The following UGT1A10 variants were observed in gnomAD, a reference collection of about 807,000 sequenced individuals.
UGT1A10 encodes UDP glucuronosyltransferase family 1 member A10.
A neutral mutation model predicts 45.8 loss-of-function variants in UGT1A10; 49 were observed. That is an observed-to-expected ratio of 1.07 (90% CI 0.85 to 1.36). The LOEUF is 1.36. UGT1A10 is among the 40% of genes most tolerant of loss of function. UGT1A10 has a pLI of 0.00. For synonymous variants in UGT1A10, 284 were observed against 249.7 expected (o/e 1.14, Z -1.29); for missense variants, 745 against 668.6 (o/e 1.11, Z -1.26).
intron 1 of UGT1A10, chr2:233,728,975 A>G: frequency 6.7e-7 from 1 of 1,489,458 alleles, no homozygotes; most frequent in Non-Finnish European, 9.0e-7. Context: ...TGATAGATTA[A>G]TGGTTAATAA....
At chr2:233,678,006 T>C (rs941610830) in intron 1 of UGT1A10, among the ~76,000 whole-genome samples, 2 of 152,154 alleles carry the variant, frequency 1.3e-5, no homozygotes, top group Non-Finnish European at 2.9e-5. Context: ...AATGAAATCA[T>C]GTCCTTTGTA....
intron 1 of UGT1A10, 29 bp from the exon 2 acceptor site, chr2:233,767,005 T>C: frequency 6.2e-7 from 1 of 1,613,726 alleles, no homozygotes; most frequent in African/African-American, 1.3e-5. Flanking sequence ...TGAGAAAAAA[T>C]TAACTGAAAA....
Position 233,657,892 on chromosome 2 carries a change from ATTTATAC to A in UGT1A10, c.855+20521_855+20527del, listed in dbSNP as rs540185466. ...TAAAAGTTATTTATATATTCTGGATATTTATACTTTATCAGTTTCTGGGCTTTTTTCC... is the reference window on the plus strand; with the variant it reads ...TAAAAGTTATTTATATATTCTGGATATTTATCAGTTTCTGGGCTTTTTTCC... On this transcript the variant is annotated intron_variant, in intron 1 of 4. Transcript: ENST00000344644. 4.7e-3 allele frequency among the ~76,000 whole-genome samples: 719 copies of A among 152,096 alleles called. 2 individuals carry two copies. The highest frequency in any genetic ancestry group is 8.0e-3 in the Non-Finnish European group (542 of 68,000).
At chr2:233,671,894 G>A in intron 1 of UGT1A10, 1 of 1,569,042 alleles carries the variant, frequency 6.4e-7, no homozygotes, top group Non-Finnish European at 8.6e-7. Context: ...TATCATAGGA[G>A]CTTAGATTCC....
intron 1 of UGT1A10, among the ~76,000 whole-genome samples, chr2:233,709,785 C>T (rs1208150066): frequency 2.0e-5 from 3 of 152,036 alleles, no homozygotes; most frequent in East Asian, 1.9e-4. Context: ...TAAAGTGCAC[C>T]GTTTTAATGA....
intron 1 of UGT1A10, among the ~76,000 whole-genome samples, chr2:233,716,097 C>T (rs1196579802): frequency 6.6e-6 from 1 of 152,176 alleles, no homozygotes; most frequent in Non-Finnish European, 1.5e-5. Flanking sequence ...ATTCCTTTAA[C>T]AGAAATTTAG....
In UGT1A10 at chr2:233,648,116, C is replaced by G. The variant is rs2073647782; in HGVS notation, c.855+10739C>G. On this transcript the variant is annotated intron_variant, in intron 1 of 4. Transcript: ENST00000344644. Reference sequence around the variant, plus strand: ...CTGGACCAGGAGTTCATGGCTTTTGCCAATGCTCAATGGGAAGCAGAAGTA... The same window carrying G: ...CTGGACCAGGAGTTCATGGCTTTTGGCAATGCTCAATGGGAAGCAGAAGTA... 2.1e-6 allele frequency: 3 copies of G among 1,420,290 alleles called. No homozygotes were observed. The South Asian group carries it at 4.7e-5, about 22-fold the overall frequency. 88.0% of individuals were successfully genotyped at this position (1,420,290 alleles called of 1,614,324 possible). A position where few individuals can be genotyped will look rare whatever the true frequency, so the allele number is the denominator to read the frequency against.
At chr2:233,648,900 T>A in intron 1 of UGT1A10, 1 of 1,333,360 alleles carries the variant, frequency 7.5e-7, no homozygotes, top group Non-Finnish European at 1.1e-6. Flanking sequence ...TGGCATATGA[T>A]CTCTACAGCC....
intron 1 of UGT1A10, chr2:233,747,600 G>T: frequency 6.3e-7 from 1 of 1,575,586 alleles, no homozygotes; most frequent in Non-Finnish European, 8.7e-7. Context: ...GTCTTGTGTG[G>T]AGCTACTGCA....
chr2:233,720,278 T>A (rs1449886876), intron 1 of UGT1A10, among the ~76,000 whole-genome samples: 2 of 151,854 alleles, frequency 1.3e-5, no homozygotes. Flanking sequence ...CTGAGAAAAG[T>A]TTTTCTGACC....
chr2:233,729,567 T>C (rs764515587), intron 1 of UGT1A10: 23 of 1,614,054 alleles, frequency 1.4e-5, no homozygotes, highest in Non-Finnish European at 1.7e-5. Flanking sequence ...CTTCCTTTGA[T>C]GTGGTTTTAA....
intron 1 of UGT1A10, among the ~76,000 whole-genome samples, chr2:233,674,733 A>G (rs1288946256): frequency 6.6e-6 from 1 of 152,220 alleles, no homozygotes; most frequent in Non-Finnish European, 1.5e-5. Flanking sequence ...GGAAGATTAC[A>G]TATATTAATG....
intron 1 of UGT1A10, among the ~76,000 whole-genome samples, chr2:233,751,413 T>C (rs1057500388): frequency 6.6e-6 from 1 of 152,208 alleles, no homozygotes; most frequent in Non-Finnish European, 1.5e-5. Flanking sequence ...TATGGACTTT[T>C]GAGCTAGTGC....
In UGT1A10 at chr2:233,772,242, G is replaced by A. The variant is rs762612938; in HGVS notation, c.1296-20G>A. ...ATACCACAGGTGTTCCAGGCATAAC[G>A]AAACTGTCTTTGTGTTTAGTTACAA... On this transcript the variant is annotated intron_variant, in intron 4 of 4. Transcript: ENST00000344644. 5.6e-6 allele frequency: 9 copies of A among 1,614,002 alleles called. No individual in the cohort carries two copies. Among genetic ancestry groups the A allele is most frequent in the East Asian group, 4.5e-5 (2 of 44,900 alleles).
chr2:233,715,569 T>C (rs1403314383), intron 1 of UGT1A10, among the ~76,000 whole-genome samples: 3 of 152,040 alleles, frequency 2.0e-5, no homozygotes, highest in Non-Finnish European at 4.4e-5. Context: ...CCCAGGAGTC[T>C]GAGAGCAGCC....
chr2:233,719,298 G>T, intron 1 of UGT1A10: 1 of 1,613,992 alleles, frequency 6.2e-7, no homozygotes, highest in Admixed American at 1.7e-5. Flanking sequence ...CTGTGGGGCG[G>T]TGCTGGCTAA....
rs551497641 is a variant in UGT1A10 at position 233,769,657 on chromosome 2, C to T, written c.1295+1218C>T. ...GGGAGGACTGATGACTGACTTCCCA[C>T]CTTTGAGGTGCTAATGTGTGTGTGG... On this transcript the variant is annotated intron_variant, in intron 4 of 4. Transcript: ENST00000344644. This position sits in a 1 kb window ranked among gnomAD's most constrained non-coding sequence, Gnocchi z 4.4. 6.2e-7 allele frequency: 1 copy of T among 1,602,246 alleles called. No individual in the cohort carries two copies. Among genetic ancestry groups the T allele is most frequent in the African/African-American group, 1.3e-5 (1 of 74,712 alleles).
At chr2:233,706,013 T>G (rs1292411619) in intron 1 of UGT1A10, among the ~76,000 whole-genome samples, 2 of 152,156 alleles carry the variant, frequency 1.3e-5, no homozygotes, top group Non-Finnish European at 2.9e-5. Context: ...CACTTGCACT[T>G]GGACCTGGGA....
rs539495441 is a variant in UGT1A10, at chr2:233,636,913, C to T, written c.391C>T (p.Arg131Ter). The change falls in exon 1 of 5, where the codon CGA becomes TGA. Residue 131 changes from arginine to a stop codon, truncating the protein, a stop_gained. Coordinates refer to ENST00000344644, the MANE Select transcript of UGT1A10 (RefSeq NM_019075.4). LOFTEE classifies it high-confidence loss of function. ...GCATTGCAGGAGTTTGTTTAATGACCGAAAATTAGTAGAATACTTAAAGGA... is the reference window on the plus strand; with the variant it reads ...GCATTGCAGGAGTTTGTTTAATGACTGAAAATTAGTAGAATACTTAAAGGA... ...FSHCRSLFND[R>*]KLVEYLKESS... 3.3e-5 allele frequency: 53 copies of T among 1,613,982 alleles called. No individual in the cohort carries two copies. Among genetic ancestry groups the T allele is most frequent in the Admixed American group, 1.0e-4 (6 of 59,998 alleles).
Sources: gnomAD v4.1 joint callset for allele counts (sites outside exome capture counted in the v4.1 genomes callset) on GRCh38, gnomAD v4.1.1 for gene constraint, Gnocchi (gnomAD v3.1) non-coding constraint, MANE v1.5 for transcripts, NCBI Gene and HGNC (gene_info 2026-07-23, HGNC 2026-07-21) for gene names.